Variants in BCKDHB observed in about 807,000 individuals in gnomAD.
BCKDHB encodes 2-oxoisovalerate dehydrogenase subunit beta, mitochondrial.
BCKDHB carries 41 observed loss-of-function variants against 48.5 expected under a neutral mutation model. That is an observed-to-expected ratio of 0.85 (90% confidence interval 0.66 to 1.10). The LOEUF is 1.10. BCKDHB is among the 50% of genes least tolerant of loss of function. BCKDHB has a pLI of 0.00. For synonymous variants in BCKDHB, 201 were observed against 174.8 expected, an observed-to-expected ratio of 1.15 and a Z score of -1.18; for missense variants, 496 against 494.2, an observed-to-expected ratio of 1.00 and a Z score of -0.03.
the BCKDHB span, among the ~76,000 whole-genome samples, chr6:80,432,858 G>A: frequency 6.6e-6 from 1 of 152,042 alleles, no homozygotes; most frequent in African/African-American, 2.4e-5. Flanking sequence ...TATGGATGGG[G>A]TCTCTGAGTG....
At chr6:80,162,873 C>T in intron 3 of BCKDHB, among the ~76,000 whole-genome samples, 1 of 151,868 alleles carries the variant, frequency 6.6e-6, no homozygotes, top group East Asian at 1.9e-4. Context: ...CCAAAACTCT[C>T]TTGACCCCAT....
the BCKDHB span, among the ~76,000 whole-genome samples, chr6:80,425,724 T>C: frequency 2.6e-5 from 4 of 152,180 alleles, no homozygotes; most frequent in Non-Finnish European, 5.9e-5. Context: ...GTTCTCATGA[T>C]AGTATACTTT....
chr6:80,152,171 T>TG lies in BCKDHB; in HGVS notation c.344-15507_344-15506insG, dbSNP rs567375830. On this transcript the variant is annotated intron_variant, in intron 3 of 9. Coordinates refer to ENST00000320393, the MANE Select transcript of BCKDHB (RefSeq NM_183050.4). ...AATATTTTTGTATTCTTTTTTTTTT[T>TG]AATCTGTTTATTCAGCATCAGCTAT... 1.7e-3 allele frequency among the ~76,000 whole-genome samples: 253 copies of TG among 149,242 alleles called. 1 individual carries two copies. The highest frequency in any genetic ancestry group is 5.8e-3 in the African/African-American group (241 of 41,226).
At chr6:80,240,612 C>G (rs532272812) in intron 8 of BCKDHB, among the ~76,000 whole-genome samples, 2 of 152,290 alleles carry the variant, frequency 1.3e-5, no homozygotes, top group South Asian at 4.1e-4. Flanking sequence ...CATCTGCAAA[C>G]AGGGACAATT....
chr6:80,196,466 A>G (rs531140988), intron 6 of BCKDHB, among the ~76,000 whole-genome samples: 1 of 152,096 alleles, frequency 6.6e-6, no homozygotes, highest in African/African-American at 2.4e-5. Context: ...TTGCTATATT[A>G]TGATTTTATT....
chr6:80,435,378 C>T, the BCKDHB span, among the ~76,000 whole-genome samples: 20 of 152,080 alleles, frequency 1.3e-4, no homozygotes, highest in Admixed American at 3.9e-4. Context: ...AATCCAGGAC[C>T]AAATCATAGC....
chr6:80,230,202 C>T (rs9352804), intron 8 of BCKDHB, among the ~76,000 whole-genome samples: 3 of 150,672 alleles, frequency 2.0e-5, no homozygotes, highest in Admixed American at 2.0e-4. Context: ...CCACGCCCGG[C>T]TAATTTTTTG....
chr6:80,179,125 T>G (rs1419655026), intron 6 of BCKDHB, among the ~76,000 whole-genome samples: 1 of 152,100 alleles, frequency 6.6e-6, no homozygotes, highest in Admixed American at 6.5e-5. Flanking sequence ...TGGGCTCAGG[T>G]GATTCTCCCA....
rs1582236355 is a variant in BCKDHB at position 80,149,491 on chromosome 6, A to T, written c.344-18187A>T. 2.6e-5 allele frequency among the ~76,000 whole-genome samples: 4 copies of T among 152,172 alleles called. No homozygotes were observed. The South Asian group carries it at 8.3e-4, about 32-fold the overall frequency. ...TGGGTATATACCCAAAGGACTATAA[A>T]TCATGCTGCTATAAAGACACATGCA... is the stretch of plus-strand genomic sequence containing the variant. On this transcript the variant is annotated intron_variant, in intron 3 of 9. Coordinates refer to ENST00000320393, the MANE Select transcript of BCKDHB (RefSeq NM_183050.4).
chr6:80,448,168 T>C, the BCKDHB span, among the ~76,000 whole-genome samples: 1 of 152,052 alleles, frequency 6.6e-6, no homozygotes, highest in African/African-American at 2.4e-5. Flanking sequence ...GGAAGGATGA[T>C]AGCAAAGTCC....
the BCKDHB span, among the ~76,000 whole-genome samples, chr6:80,402,281 A>G: frequency 1.3e-5 from 2 of 151,684 alleles, no homozygotes; most frequent in African/African-American, 4.8e-5. Context: ...AATACTTTTT[A>G]TCTTTTGTCT....
At chr6:80,125,668 AAGGG>A (rs1460698444) in intron 1 of BCKDHB, among the ~76,000 whole-genome samples, 1 of 152,160 alleles carries the variant, frequency 6.6e-6, no homozygotes, top group African/African-American at 2.4e-5. Context: ...AGCCTGAAGA[AAGGG>A]AGAGATAAAG....
rs894467213 is a variant in BCKDHB, at chr6:80,127,618, A to G, written c.268A>G (p.Thr90Ala). 7.4e-6 allele frequency: 12 copies of G among 1,611,834 alleles called. No homozygotes were observed. The African/African-American group carries it at 1.3e-4, about 18-fold the overall frequency. Residue 90 changes from threonine (T) to alanine (A), a missense_variant, in exon 2 of 10, where the codon ACT (threonine) becomes GCT (alanine). Thr to Ala is a moderately conservative substitution (Grantham distance 58). Coordinates refer to ENST00000320393, the MANE Select transcript of BCKDHB (RefSeq NM_183050.4). ...GGATAACTCATTGGCCAAAGATCCT[A>G]CTGCAGGTAACCCTGATATGTGCCT... ...ALDNSLAKDP[T>A]AVIFGEDVAF... is the part of the protein sequence containing the mutation.
chr6:80,418,300 T>A, the BCKDHB span, among the ~76,000 whole-genome samples: 4 of 152,328 alleles, frequency 2.6e-5, no homozygotes, highest in Admixed American at 6.5e-5. Context: ...TTTCAGCTAT[T>A]TCTGCCTGGT....
chr6:80,268,023 G>T (rs3805901), intron 8 of BCKDHB, among the ~76,000 whole-genome samples: 14,766 of 152,084 alleles, frequency 0.097, 916 homozygotes, highest in East Asian at 0.19. Flanking sequence ...ATTCTCTGAA[G>T]CTCAGGACTG....
At chr6:80,447,452 TA>T in the BCKDHB span, among the ~76,000 whole-genome samples, 13 of 21,150 alleles carry the variant, frequency 6.1e-4, no homozygotes, top group Non-Finnish European at 1.6e-3. Flanking sequence ...TATACAGTTA[TA>T]TATATATATA....
At chr6:80,320,961 C>T (rs1049964983) in intron 9 of BCKDHB, among the ~76,000 whole-genome samples, 1 of 152,120 alleles carries the variant, frequency 6.6e-6, no homozygotes, top group African/African-American at 2.4e-5. Flanking sequence ...TGCTATACCT[C>T]TGATATCCCC....
At chr6:80,302,904 T>C (rs58231181) in intron 9 of BCKDHB, among the ~76,000 whole-genome samples, 6,984 of 152,258 alleles carry the variant, frequency 0.046, 539 homozygotes, top group African/African-American at 0.16. Flanking sequence ...AGCAGCTTTA[T>C]TGGAAAACTC....
chr6:80,325,280 T>G (rs746076159), intron 9 of BCKDHB, among the ~76,000 whole-genome samples: 20 of 152,192 alleles, frequency 1.3e-4, no homozygotes, highest in Non-Finnish European at 2.5e-4. Context: ...TACTTCACAT[T>G]GTTGATGTTG....
Sources: gnomAD v4.1 joint callset for allele counts (sites outside exome capture counted in the v4.1 genomes callset) on GRCh38, gnomAD v4.1.1 for gene constraint, MANE v1.5 for transcripts, NCBI Gene and HGNC (gene_info 2026-07-23, HGNC 2026-07-21) for gene names.